The following FGD6 variants were observed in gnomAD, a reference collection of about 807,000 sequenced individuals.
The protein encoded by FGD6 is FYVE, RhoGEF and PH domain-containing protein 6.
Under a neutral mutation model 149.4 loss-of-function variants are expected in FGD6, and 90 were observed. The ratio of observed to expected loss-of-function variants is 0.60; its 90% confidence interval spans 0.51 to 0.72. FGD6 has a LOEUF of 0.72. Ranked by LOEUF, FGD6 falls within the 30% of genes least tolerant of loss-of-function variation. The pLI, the probability that FGD6 is intolerant of heterozygous loss-of-function variation, is 0.00. For missense variants in FGD6, 1,437 were observed against 1,684.8 expected, an observed-to-expected ratio of 0.85 and a Z score of 2.57; for synonymous variants, 527 against 584.0, an observed-to-expected ratio of 0.90 and a Z score of 1.41.
chr12:95,207,952 C>T (rs1198977086), intron 2 of FGD6, among the ~76,000 whole-genome samples: 1 of 152,112 alleles, frequency 6.6e-6, no homozygotes, highest in Non-Finnish European at 1.5e-5. Context: ...GAAGTGCACA[C>T]ACAAAAGTGA....
At chr12:95,087,232 A>T (rs140133602) in intron 18 of FGD6, among the ~76,000 whole-genome samples, 203 of 152,326 alleles carry the variant, frequency 1.3e-3, no homozygotes, top group African/African-American at 4.4e-3. Context: ...TATGGCAGGC[A>T]CACGCTTAAG....
chr12:95,112,465 T>G (rs1878858743), intron 9 of FGD6, among the ~76,000 whole-genome samples: 1 of 151,786 alleles, frequency 6.6e-6, no homozygotes. Context: ...CCGGGCATGG[T>G]GGTACATGCC....
chr12:95,149,297 AT>A (rs1880205459), intron 5 of FGD6, among the ~76,000 whole-genome samples: 2 of 87,486 alleles, frequency 2.3e-5, no homozygotes, highest in Non-Finnish European at 4.2e-5. Context: ...AATATTATAT[AT>A]AATATATTAT....
intron 2 of FGD6, among the ~76,000 whole-genome samples, chr12:95,181,662 G>C (rs1881283206): frequency 6.6e-6 from 1 of 151,700 alleles, no homozygotes; most frequent in African/African-American, 2.4e-5. Context: ...AATAAAATAT[G>C]GCAAGTTCCA....
chr12:95,153,119 A>G (rs944812686), intron 3 of FGD6, 126 bp from the exon 4 acceptor site: 8 of 742,084 alleles, frequency 1.1e-5, no homozygotes, highest in African/African-American at 5.3e-5. Context: ...TTCATACCAT[A>G]TAACATTTCA....
At chr12:95,137,251 G>C (rs1879693435) in intron 7 of FGD6, among the ~76,000 whole-genome samples, 1 of 152,108 alleles carries the variant, frequency 6.6e-6, no homozygotes. Context: ...ATGTACTCCA[G>C]CCTGGGCAAC....
chr12:95,150,498 C>G (rs1880279180), intron 5 of FGD6, among the ~76,000 whole-genome samples: 1 of 151,916 alleles, frequency 6.6e-6, no homozygotes, highest in African/African-American at 2.4e-5. Context: ...CAGGGCAGAG[C>G]AGCAAATATA....
intron 5 of FGD6, among the ~76,000 whole-genome samples, chr12:95,152,477 G>A (rs1880341146): frequency 6.6e-6 from 1 of 152,172 alleles, no homozygotes; most frequent in Non-Finnish European, 1.5e-5. Context: ...ATCTGTTTCT[G>A]GGAGCTTATT....
At chr12:95,198,585 G>A (rs1881787188) in intron 2 of FGD6, among the ~76,000 whole-genome samples, 1 of 152,000 alleles carries the variant, frequency 6.6e-6, no homozygotes, top group Admixed American at 6.6e-5. Context: ...GACTACAGGG[G>A]CCCGCCACCA....
chr12:95,125,438 G>A (rs138496825), intron 8 of FGD6, among the ~76,000 whole-genome samples: 3 of 152,218 alleles, frequency 2.0e-5, no homozygotes, highest in South Asian at 4.1e-4. Flanking sequence ...TTCAAGATGA[G>A]CCTGGGCAAC....
chr12:95,122,098 G>A (rs1879207935), intron 8 of FGD6, among the ~76,000 whole-genome samples: 1 of 151,962 alleles, frequency 6.6e-6, no homozygotes, highest in Non-Finnish European at 1.5e-5. Flanking sequence ...ACTGGCATTT[G>A]CCTCCCAGAA....
chr12:95,110,888 GC>G (rs1272567104), intron 9 of FGD6, among the ~76,000 whole-genome samples: 1 of 152,050 alleles, frequency 6.6e-6, no homozygotes, highest in African/African-American at 2.4e-5. Flanking sequence ...CCGTTAAGAG[GC>G]CCTGATGCCT....
chr12:95,106,272 CTT>C (rs58785323), intron 13 of FGD6, among the ~76,000 whole-genome samples: 80,680 of 130,446 alleles, frequency 0.62, 24,339 homozygotes, highest in East Asian at 0.67. Flanking sequence ...TTTATTTGGG[CTT>C]TTTTTTTTTT....
At position 95,092,859 on chromosome 12, in the gene FGD6, A is replaced by C; in HGVS notation, c.3601-14T>G. ...TTCTGAGTCTGCCTGTGGAAGAAGA[A>C]CAACTTCTGATTATCTCCATGCACA... On this transcript the variant is annotated splice_polypyrimidine_tract_variant and intron_variant, in intron 15 of 20. Transcript: ENST00000343958. 6.3e-7 allele frequency: 1 copy of C among 1,596,892 alleles called. No homozygotes were observed. Among genetic ancestry groups the C allele is most frequent in the Non-Finnish European group, 8.5e-7 (1 of 1,170,898 alleles).
chr12:95,079,233 G>A lies in FGD6; in HGVS notation c.*2287C>T, dbSNP rs973854686. 2 of 152,120 alleles carry A rather than the reference G, an allele frequency of 1.3e-5. No individual in the cohort carries two copies. The highest frequency in any genetic ancestry group is 1.5e-5 in the Non-Finnish European group (1 of 68,020). 9.4% of individuals were successfully genotyped at this position (152,120 alleles called of 1,614,324 possible). On this transcript the variant is annotated 3_prime_UTR_variant, in exon 21 of 21. Transcript: ENST00000343958. ...TTTTTGGGAGAAGGATAATTGGATA[G>A]CTTCCACAAAGACTACACATTTTTC...
intron 2 of FGD6, among the ~76,000 whole-genome samples, chr12:95,181,064 T>C (rs577155009): frequency 1.3e-5 from 2 of 152,284 alleles, no homozygotes; most frequent in African/African-American, 2.4e-5. Context: ...CGGCTTTCCC[T>C]TACTGCCGAG....
At chr12:95,208,544 G>T (rs912026981) in intron 2 of FGD6, among the ~76,000 whole-genome samples, 4 of 152,136 alleles carry the variant, frequency 2.6e-5, no homozygotes, top group African/African-American at 9.7e-5. Flanking sequence ...TGACTTCTGA[G>T]CTGGTGTCTG....
chr12:95,126,021 GC>G, intron 8 of FGD6: 1 of 1,328,484 alleles, frequency 7.5e-7, no homozygotes, highest in Non-Finnish European at 1.1e-6. Context: ...AAAATGGGCA[GC>G]CACACAATGG....
At position 95,210,280 on chromosome 12, in the gene FGD6, C is replaced by T; in HGVS notation, c.1004G>A (p.Ser335Asn). 1.2e-6 allele frequency: 2 copies of T among 1,614,194 alleles called. No individual in the cohort carries two copies. Among genetic ancestry groups the T allele is most frequent in the Non-Finnish European group, 1.7e-6 (2 of 1,180,042 alleles). ...ATTCCCCGGTTCTTCAGTGCTTTCA[C>T]TAGGAGTATCTACACACTTTTGGCG... ...LLRQKCVDTP[S>N]ESTEEPGNSD... Residue 335 changes from serine to asparagine, a missense_variant, in exon 2 of 21, where the codon AGT becomes AAT. Physicochemically the swap from Ser to Asn is conservative, Grantham distance 46. Around this residue, in one of 2 missense-constraint regions of FGD6, gnomAD observed 1,055 missense variants for 1,146.0 expected, o/e 0.92. Transcript: ENST00000343958.
Sources: allele counts gnomAD v4.1 joint callset (sites outside exome capture counted in the v4.1 genomes callset), GRCh38; gene constraint gnomAD v4.1.1; regional missense constraint gnomAD v4.1.1; transcripts MANE v1.5; gene names NCBI Gene and HGNC (gene_info 2026-07-23, HGNC 2026-07-21).